The following CSMD1 variants were observed in gnomAD, a reference collection of about 807,000 sequenced individuals.
The protein encoded by CSMD1 is CUB and Sushi multiple domains 1.
In CSMD1, 213 loss-of-function variants were observed where a neutral mutation model predicts 417.5. That is an observed-to-expected ratio of 0.51 (90% CI 0.46 to 0.57). CSMD1 has a LOEUF of 0.57. CSMD1 is among the 20% of genes least tolerant of loss of function. The pLI is 0.00. For synonymous variants in CSMD1, 2,862 were observed against 1,736.8 expected (o/e 1.65, Z -16.11); for missense variants, 6,923 against 4,529.7 (o/e 1.53, Z -15.17).
chr8:3,741,619 T>C (rs1383281739), intron 6 of CSMD1, among the ~76,000 whole-genome samples: 1 of 152,240 alleles, frequency 6.6e-6, no homozygotes, highest in Middle Eastern at 3.2e-3. Flanking sequence ...GTGCAAATAG[T>C]GCAGACAGAT....
intron 10 of CSMD1, among the ~76,000 whole-genome samples, chr8:3,564,448 T>G (rs540757941): frequency 1.3e-5 from 2 of 152,110 alleles, no homozygotes; most frequent in African/African-American, 4.8e-5. Flanking sequence ...ATTCTTTACC[T>G]CTGTAACACT....
chr8:3,404,585 T>G (rs1812235773), intron 15 of CSMD1, among the ~76,000 whole-genome samples: 1 of 152,170 alleles, frequency 6.6e-6, no homozygotes, highest in African/African-American at 2.4e-5. Context: ...GTTTATGATA[T>G]TTAACATATA....
At chr8:4,186,602 C>A (rs139795163) in intron 3 of CSMD1, among the ~76,000 whole-genome samples, 2 of 151,954 alleles carry the variant, frequency 1.3e-5, no homozygotes, top group Non-Finnish European at 2.9e-5. Flanking sequence ...TCAAATCAGC[C>A]CCTCTCTCAA....
chr8:3,309,559 T>G (rs1442478366), intron 23 of CSMD1, among the ~76,000 whole-genome samples: 1 of 142,046 alleles, frequency 7.0e-6, no homozygotes, highest in African/African-American at 2.5e-5. Flanking sequence ...TAAGGCCATC[T>G]GTGAAAGACA....
intron 8 of CSMD1, among the ~76,000 whole-genome samples, chr8:3,600,777 T>C (rs779263179): frequency 3.9e-5 from 6 of 152,204 alleles, no homozygotes; most frequent in Non-Finnish European, 5.9e-5. Flanking sequence ...ATAGCAGTCA[T>C]TGTTCTTCCA....
At chr8:3,040,634 C>T (rs1054030078) in intron 50 of CSMD1, among the ~76,000 whole-genome samples, 1 of 151,822 alleles carries the variant, frequency 6.6e-6, no homozygotes, top group Non-Finnish European at 1.5e-5. Context: ...GAAACCCCGT[C>T]TCTACTAAAA....
rs542442476 is a variant in CSMD1 at position 3,650,687 on chromosome 8, A to C, written c.1010-33890T>G. On this transcript the variant is annotated intron_variant, in intron 7 of 69. Transcript: ENST00000635120. ...TGAGAACTGTTCGAAGTGGTAAATT[A>C]TCAATGCTGGCTTCTCAAAGAAAGG... 9.2e-5 allele frequency among the ~76,000 whole-genome samples: 14 copies of C among 152,328 alleles called. No homozygotes were observed. In the South Asian group the frequency reaches 2.9e-3, roughly 32 times the overall value.
At chr8:3,850,647 A>G (rs2129099706) in intron 5 of CSMD1, among the ~76,000 whole-genome samples, 1 of 152,262 alleles carries the variant, frequency 6.6e-6, no homozygotes, top group East Asian at 1.9e-4. Context: ...GTGAGCCAAG[A>G]TCGCACCACT....
At chr8:4,178,921 TAAGAG>T (rs1319172938) in intron 3 of CSMD1, among the ~76,000 whole-genome samples, 16 of 152,014 alleles carry the variant, frequency 1.1e-4, no homozygotes, top group Non-Finnish European at 1.9e-4. Flanking sequence ...CTCAATGAAA[TAAGAG>T]AAGATACAAA....
intron 1 of CSMD1, among the ~76,000 whole-genome samples, chr8:4,919,017 C>A (rs1234817954): frequency 6.6e-6 from 1 of 152,128 alleles, no homozygotes; most frequent in East Asian, 1.9e-4. Context: ...AAAAGATAAG[C>A]CACTTAGGTG....
rs536341485 is a variant in CSMD1, at chr8:4,479,039, G to A, written c.303-58974C>T. 2.3e-3 allele frequency among the ~76,000 whole-genome samples: 357 copies of A among 152,270 alleles called. 3 individuals are homozygous for A. The highest frequency in any genetic ancestry group is 8.0e-3 in the African/African-American group (331 of 41,556). On this transcript the variant is annotated intron_variant, in intron 2 of 69. Coordinates refer to ENST00000635120, the MANE Select transcript of CSMD1 (RefSeq NM_033225.6). ...CAATTCCTAGGGAAGATAACACAGA[G>A]TATGGCAGGGGCTCAATGCTATTCA... is the stretch of plus-strand genomic sequence containing the variant.
chr8:4,286,742 G>C (rs1797078027), intron 3 of CSMD1, among the ~76,000 whole-genome samples: 1 of 152,176 alleles, frequency 6.6e-6, no homozygotes, highest in African/African-American at 2.4e-5. Flanking sequence ...CCCAGCATCT[G>C]ATGCTTGATA....
chr8:4,028,520 G>C (rs974925561), intron 4 of CSMD1, among the ~76,000 whole-genome samples: 2 of 151,778 alleles, frequency 1.3e-5, no homozygotes, highest in Non-Finnish European at 2.9e-5. Flanking sequence ...AAAAAAAATA[G>C]GCAAATATGC....
At chr8:4,239,734 G>A (rs1802280332) in intron 3 of CSMD1, among the ~76,000 whole-genome samples, 2 of 152,176 alleles carry the variant, frequency 1.3e-5, no homozygotes, top group South Asian at 2.1e-4. Context: ...ATTGTGGAAA[G>A]GTGGGTGGTG....
rs186632249 is a variant in CSMD1, at chr8:4,962,814, C to A, written c.85+31518G>T. Among the ~76,000 whole-genome samples, 156 of 152,264 alleles carry A rather than the reference C, an allele frequency of 1.0e-3. 2 individuals carry two copies. Among genetic ancestry groups the A allele is most frequent in the African/African-American group, 3.6e-3 (150 of 41,566 alleles). On this transcript the variant is annotated intron_variant, in intron 1 of 69. Coordinates refer to ENST00000635120, the MANE Select transcript of CSMD1 (RefSeq NM_033225.6). ...TTACACTCCTTAGTAAAAATAATTT[C>A]ACTTAATCTCCATTTTTAGACCTCT...
chr8:3,555,441 C>G (rs1799102881), intron 10 of CSMD1, among the ~76,000 whole-genome samples: 1 of 152,144 alleles, frequency 6.6e-6, no homozygotes, highest in African/African-American at 2.4e-5. Context: ...CTGGTGGGGT[C>G]AGGTGGCCCT....
intron 7 of CSMD1, among the ~76,000 whole-genome samples, chr8:3,692,113 G>A (rs1225431518): frequency 6.6e-6 from 1 of 152,104 alleles, no homozygotes; most frequent in African/African-American, 2.4e-5. Context: ...GAGAGGCCTG[G>A]GGAAGCCACT....
chr8:2,983,927 T>C (rs772252651), intron 54 of CSMD1, among the ~76,000 whole-genome samples: 2 of 152,216 alleles, frequency 1.3e-5, no homozygotes, highest in Non-Finnish European at 2.9e-5. Flanking sequence ...CTAAATGCTA[T>C]GGGCTAAGCT....
chr8:3,843,862 G>T lies in CSMD1; in HGVS notation c.819-89820C>A, dbSNP rs2954208. Among the ~76,000 whole-genome samples, 6 of 152,220 alleles carry T rather than the reference G, an allele frequency of 3.9e-5. No individual in the cohort carries two copies. In the East Asian group the frequency reaches 7.7e-4, roughly 20 times the overall value. The stretch of plus-strand genomic sequence containing the variant: ...ATAATGTACCTTCGAAAGTAAAGAG[G>T]GACAGATATTGTGAGTACAATTTAG... On this transcript the variant is annotated intron_variant, in intron 5 of 69. Coordinates refer to ENST00000635120, the MANE Select transcript of CSMD1 (RefSeq NM_033225.6).
Sources: allele counts gnomAD v4.1 joint callset (sites outside exome capture counted in the v4.1 genomes callset), GRCh38; gene constraint gnomAD v4.1.1; transcripts MANE v1.5; gene names NCBI Gene and HGNC (gene_info 2026-07-23, HGNC 2026-07-21).